The following OR5B2 variants were observed in gnomAD, a reference collection of about 807,000 sequenced individuals.
OR5B2 encodes the protein olfactory receptor family 5 subfamily B member 2.
For missense variants in OR5B2, 411 were observed against 367.0 expected, an observed-to-expected ratio of 1.12 and a Z score of -0.98; for synonymous variants, 163 against 140.8, an observed-to-expected ratio of 1.16 and a Z score of -1.11.
At chr11:58,427,113 T>C (rs1855347066) in intron 1 of OR5B2, among the ~76,000 whole-genome samples, 2 of 152,124 alleles carry the variant, frequency 1.3e-5, no homozygotes, top group Admixed American at 6.6e-5. Context: ...TAGAGACCAA[T>C]GACTGGGAAC....
chr11:58,424,362 A>T (rs542608815), intron 2 of OR5B2, among the ~76,000 whole-genome samples: 3 of 152,172 alleles, frequency 2.0e-5, no homozygotes, highest in South Asian at 2.1e-4. Context: ...TTCCTCACAT[A>T]CCAGGGCTAC....
rs140238243 is a variant in OR5B2 at position 58,422,520 on chromosome 11, C to A, written c.742G>T (p.Val248Phe). The A allele has an allele frequency of 3.5e-5, 57 of 1,613,646 alleles. 1 individual carries two copies. The South Asian group carries it at 6.0e-4, about 17-fold the overall frequency. The stretch of plus-strand genomic sequence containing the variant: ...ATGAAGATTACTGTCCCATAGAAGA[C>A]GGAGACTGCAGTGAAGTGAGAGGCA... ...TCASHFTAVS[V>F]FYGTVIFIYL... The change falls in exon 3 of 3, where the codon GTC becomes TTC. Residue 248 changes from valine to phenylalanine, a missense_variant. Transcript: ENST00000641342.
chr11:58,422,306 T>C lies in OR5B2; in HGVS notation c.*26A>G. On this transcript the variant is annotated 3_prime_UTR_variant, in exon 3 of 3. Coordinates refer to ENST00000641342, the MANE Select transcript of OR5B2 (RefSeq NM_001005566.3). ...AGATGAGGGAAACAACATTTTTGTG[T>C]ATACAACAATGTTAAAATTCCAAAC... The C allele has an allele frequency of 6.9e-7, 1 of 1,446,698 alleles. No individual in the cohort carries two copies. 89.6% of individuals were successfully genotyped at this position (1,446,698 alleles called of 1,614,324 possible). A position where few individuals can be genotyped will look rare whatever the true frequency, so the allele number is the denominator to read the frequency against.
At chr11:58,423,353 A>T in intron 2 of OR5B2, 64 bp from the exon 3 acceptor site, 1 of 708,286 alleles carries the variant, frequency 1.4e-6, no homozygotes. Context: ...AAATATATAA[A>T]TACTATATGC....
In OR5B2 at chr11:58,422,787, CAATGTGG is replaced by C; in HGVS notation, c.468_474del (p.Phe156LeufsTer38). 1 of 1,613,768 alleles carries C rather than the reference CAATGTGG, an allele frequency of 6.2e-7. No homozygotes were observed. On this transcript the variant is annotated frameshift_variant, in exon 3 of 3. Coordinates refer to ENST00000641342, the MANE Select transcript of OR5B2 (RefSeq NM_001005566.3). LOFTEE classifies it low-confidence loss of function (END_TRUNC). ...CAGAAAGAGAGACTGAATATGCCCC[CAATGTGG>C]AATGAGGCATTTAGGAAGCCACAGA...
At chr11:58,427,224 T>C (rs4581466) in intron 1 of OR5B2, among the ~76,000 whole-genome samples, 69,803 of 151,910 alleles carry the variant, frequency 0.46, 16,476 homozygotes, top group African/African-American at 0.56. Context: ...AGAGAAGCAA[T>C]AATTAAACTG....
intron 2 of OR5B2, among the ~76,000 whole-genome samples, chr11:58,425,172 C>T (rs1855323135): frequency 6.6e-6 from 1 of 152,058 alleles, no homozygotes; most frequent in Non-Finnish European, 1.5e-5. Flanking sequence ...TCAATTCACA[C>T]TTCTGTTATT....
chr11:58,422,361 T>A lies in OR5B2; in HGVS notation c.901A>T (p.Lys301Ter). ...RNREVQNAFKKVLRRQKFL is the reference protein window; with the variant it reads ...RNREVQNAFK ...AGAAATTTTTGCCTTCTCAACACTT[T>A]CTTGAATGCATTCTGGACTTCTCTG... The change falls in exon 3 of 3, where the codon AAA (lysine) becomes TAA (stop). Residue 301 changes from lysine (K) to a stop codon, truncating the protein, a stop_gained. Transcript: ENST00000641342. LOFTEE classifies it low-confidence loss of function (END_TRUNC). The A allele has an allele frequency of 6.2e-7, 1 of 1,609,594 alleles. No homozygotes were observed. Among genetic ancestry groups the A allele is most frequent in the South Asian group, 1.1e-5 (1 of 90,852 alleles).
chr11:58,426,447 G>T (rs1332443644), intron 2 of OR5B2, among the ~76,000 whole-genome samples, 175 bp downstream of exon 2: 1 of 152,060 alleles, frequency 6.6e-6, no homozygotes, highest in African/African-American at 2.4e-5. Flanking sequence ...CCAATTAATG[G>T]AGATTGTTGT....
At chr11:58,424,108 T>C (rs1046835268) in intron 2 of OR5B2, among the ~76,000 whole-genome samples, 2 of 152,200 alleles carry the variant, frequency 1.3e-5, no homozygotes, top group Non-Finnish European at 2.9e-5. Context: ...CTGAACCTTA[T>C]TTATTTTATC....
intron 2 of OR5B2, among the ~76,000 whole-genome samples, chr11:58,423,721 A>G (rs1322535864): frequency 6.6e-6 from 1 of 152,104 alleles, no homozygotes; most frequent in Non-Finnish European, 1.5e-5. Flanking sequence ...ACATTTATTT[A>G]ATTTGTGAGG....
At position 58,426,255 on chromosome 11, in the gene OR5B2, A is replaced by T. The variant is rs377223037; in HGVS notation, c.-29+367T>A. Among the ~76,000 whole-genome samples the T allele has an allele frequency of 1.4e-4, 21 of 152,026 alleles. No homozygotes were observed. In the East Asian group the frequency reaches 3.7e-3, roughly 27 times the overall value. ...AATTTGCATCATGGGGGTTTGTTATACAGATTATTTCATCACTCAGGTATT... is the reference window on the plus strand; with the variant it reads ...AATTTGCATCATGGGGGTTTGTTATTCAGATTATTTCATCACTCAGGTATT... On this transcript the variant is annotated intron_variant, in intron 2 of 2. Transcript: ENST00000641342.
intron 1 of OR5B2, among the ~76,000 whole-genome samples, chr11:58,427,033 ATGATCACC>A (rs138061201): frequency 2.6e-5 from 4 of 152,044 alleles, no homozygotes; most frequent in Non-Finnish European, 5.9e-5. Context: ...AGATCAATAA[ATGATCACC>A]AAAAGGTGAC....
Position 58,422,904 on chromosome 11 carries a change from G to T in OR5B2, c.358C>A (p.Arg120Ser). 4 of 1,613,766 alleles carry T rather than the reference G, an allele frequency of 2.5e-6. No homozygotes were observed. The highest frequency in any genetic ancestry group is 3.4e-6 in the Non-Finnish European group (4 of 1,179,860). Residue 120 changes from arginine to serine, a missense_variant, in exon 3 of 3, where the codon CGC (arginine) becomes AGC (serine). Physicochemically the swap from Arg to Ser is moderately radical, Grantham distance 110. Coordinates refer to ENST00000641342, the MANE Select transcript of OR5B2 (RefSeq NM_001005566.3). ...AGGGGTTTGCACACTGCTGCATAGCGGTCATAGGCCATTGAGGCCAACAAG... is the reference window on the plus strand; with the variant it reads ...AGGGGTTTGCACACTGCTGCATAGCTGTCATAGGCCATTGAGGCCAACAAG... ...NYLLASMAYD[R>S]YAAVCKPLHY... is the part of the protein sequence containing the mutation.
At position 58,422,418 on chromosome 11, in the gene OR5B2, T is replaced by G. The variant is rs761646829; in HGVS notation, c.844A>C (p.Met282Leu). 1 of 1,613,634 alleles carries G rather than the reference T, an allele frequency of 6.2e-7. No individual in the cohort carries two copies. Among genetic ancestry groups the G allele is most frequent in the Admixed American group, 1.7e-5 (1 of 59,904 alleles). Residue 282 changes from methionine (M) to leucine (L), a missense_variant, in exon 3 of 3, where the codon ATG (methionine) becomes CTG (leucine). By Grantham distance (15) the Met-to-Leu change is conservative. Coordinates refer to ENST00000641342, the MANE Select transcript of OR5B2 (RefSeq NM_001005566.3). ...AGGCTGTAGACCACAGGGTTCAGCA[T>G]GGGGATGATCATAGCATAGAACACA... The part of the protein sequence containing the change: ...ASVFYAMIIP[M>L]LNPVVYSLRN...
chr11:58,426,932 G>A (rs898478944), intron 1 of OR5B2, among the ~76,000 whole-genome samples: 2 of 152,174 alleles, frequency 1.3e-5, no homozygotes, highest in South Asian at 4.1e-4. Flanking sequence ...TTTTTAGCTG[G>A]GGGTCTTATC....
rs773690481 is a variant in OR5B2 at position 58,422,647 on chromosome 11, G to A, written c.615C>T (p.Ile205=). 2 of 1,613,554 alleles carry A rather than the reference G, an allele frequency of 1.2e-6. No individual in the cohort carries two copies. Among genetic ancestry groups the A allele is most frequent in the South Asian group, 1.1e-5 (1 of 91,064 alleles). The change falls in exon 3 of 3, where the codon ATC becomes ATT. Residue 205 remains isoleucine (I), a synonymous_variant. Transcript: ENST00000641342. ...TAAAGATAACTAGAAGAACAAAAAA[G>A]ATATTAAAGCTTGACATAAAAACCA... The part of the protein sequence containing the change: ...VILVFMSSFN[I]FFVLLVIFIS...
rs759803742 is a variant in OR5B2 at position 58,422,716 on chromosome 11, G to A, written c.546C>T (p.Val182=). 1 of 1,613,850 alleles carries A rather than the reference G, an allele frequency of 6.2e-7. No individual in the cohort carries two copies. The highest frequency in any genetic ancestry group is 2.2e-5 in the East Asian group (1 of 44,858). ...GTTTATCAGAGCAAGACAGAGCCAT[G>A]ACTGCTGGAACATCACAGAAAAAGT... The part of the protein sequence containing the change: ...VHHFFCDVPA[V]MALSCSDKHT... Residue 182 remains valine, a synonymous_variant, in exon 3 of 3, where the codon GTC becomes GTT. Transcript: ENST00000641342.
chr11:58,427,633 T>C (rs986349909), intron 1 of OR5B2, among the ~76,000 whole-genome samples: 4 of 152,140 alleles, frequency 2.6e-5, no homozygotes, highest in African/African-American at 9.7e-5. Flanking sequence ...AGAAACATGA[T>C]TGTTCAATAT....
Sources: gnomAD v4.1 joint callset for allele counts (sites outside exome capture counted in the v4.1 genomes callset) on GRCh38, gnomAD v4.1.1 for gene constraint, MANE v1.5 for transcripts, NCBI Gene and HGNC (gene_info 2026-07-23, HGNC 2026-07-21) for gene names.